KPNA6: variants seen among roughly 807,000 people sequenced by gnomAD.
The protein encoded by KPNA6 is importin subunit alpha-7.
KPNA6 carries 9 observed loss-of-function variants against 72.0 expected under a neutral mutation model. The observed-to-expected ratio is 0.13, with a 90% CI of 0.08 to 0.22. KPNA6 has a LOEUF of 0.22. Ranked by LOEUF, KPNA6 falls within the 10% of genes least tolerant of loss-of-function variation. The pLI is 1.00. For synonymous variants in KPNA6, 219 were observed against 242.1 expected, an observed-to-expected ratio of 0.90 and a Z score of 0.89; for missense variants, 374 against 655.7, an observed-to-expected ratio of 0.57 and a Z score of 4.69.
rs182526893 is a variant in KPNA6, at chr1:32,144,515, A to T, written c.5-10073A>T. Among the ~76,000 whole-genome samples, 21 of 152,304 alleles carry T rather than the reference A, an allele frequency of 1.4e-4. No individual in the cohort carries two copies. The East Asian group carries it at 3.9e-3, about 28-fold the overall frequency. On this transcript the variant is annotated intron_variant, in intron 1 of 13. Transcript: ENST00000373625. The stretch of plus-strand genomic sequence containing the variant: ...CTTTTTAATTTTTTTAGGAACTACT[A>T]TTCTGTTTTCCACAGTGGCTGCACC...
At chr1:32,124,507 CTTTT>C (rs562731872) in intron 1 of KPNA6, among the ~76,000 whole-genome samples, 1 of 131,590 alleles carries the variant, frequency 7.6e-6, no homozygotes, top group African/African-American at 2.8e-5. Context: ...GAGGCCTCAT[CTTTT>C]TTTTTTTTTT....
chr1:32,108,613 C>G (rs948398655), intron 1 of KPNA6, among the ~76,000 whole-genome samples: 7 of 152,242 alleles, frequency 4.6e-5, no homozygotes, highest in Middle Eastern at 3.2e-3. Flanking sequence ...GAGGGGACGT[C>G]AGGCGAGCCA....
intron 1 of KPNA6, among the ~76,000 whole-genome samples, chr1:32,112,448 C>CT (rs1331442293): frequency 2.0e-5 from 3 of 152,120 alleles, no homozygotes; most frequent in African/African-American, 7.2e-5. Flanking sequence ...ACTGTAGTCT[C>CT]TTAAGTGTGC....
chr1:32,147,545 G>A (rs1252058313), intron 1 of KPNA6, among the ~76,000 whole-genome samples: 3 of 151,650 alleles, frequency 2.0e-5, no homozygotes, highest in Non-Finnish European at 4.4e-5. Flanking sequence ...TAATCGTCTG[G>A]CCTTGTCCTC....
chr1:32,125,888 AAATT>A (rs1198397276), intron 1 of KPNA6, among the ~76,000 whole-genome samples: 1 of 146,806 alleles, frequency 6.8e-6, no homozygotes, highest in African/African-American at 2.4e-5. Flanking sequence ...ATCCAGTTGA[AAATT>A]AATTGAGATT....
chr1:32,155,523 A>G (rs950630327), intron 2 of KPNA6, among the ~76,000 whole-genome samples: 1 of 151,528 alleles, frequency 6.6e-6, no homozygotes, highest in Non-Finnish European at 1.5e-5. Context: ...GGGTTTCACC[A>G]TGTTGGCCAG....
rs1443745524 is a variant in KPNA6 at position 32,119,025 on chromosome 1, TATA to T, written c.4+10892_4+10894del. Among the ~76,000 whole-genome samples the T allele has an allele frequency of 2.1e-3, 182 of 85,610 alleles. 1 individual carries two copies. Among genetic ancestry groups the T allele is most frequent in the African/African-American group, 8.2e-3 (133 of 16,234 alleles). 56.2% of individuals were successfully genotyped at this position (85,610 alleles called of 152,430 possible). A position where few individuals can be genotyped will look rare whatever the true frequency, so the allele number is the denominator to read the frequency against. ...ATATATATATATATATATATATATA[TATA>T]TATATTTTTTTTTTTTTTTTTGAGA... On this transcript the variant is annotated intron_variant, in intron 1 of 13. Transcript: ENST00000373625.
At chr1:32,143,089 C>T in intron 1 of KPNA6, 1 of 965,808 alleles carries the variant, frequency 1.0e-6, no homozygotes, top group Non-Finnish European at 1.4e-6. Context: ...GTTAGTCTCA[C>T]AGGGATAATC....
chr1:32,130,216 A>T (rs867526112), intron 1 of KPNA6, among the ~76,000 whole-genome samples: 1 of 144,322 alleles, frequency 6.9e-6, no homozygotes, highest in South Asian at 2.2e-4. Context: ...GATTTAGTAG[A>T]TAAATATTTT....
chr1:32,125,644 G>A (rs187255193), intron 1 of KPNA6, among the ~76,000 whole-genome samples: 2 of 148,014 alleles, frequency 1.4e-5, no homozygotes, highest in East Asian at 4.1e-4. Flanking sequence ...CCATTCTAAC[G>A]TCTTAACTTT....
At chr1:32,130,635 A>T (rs2124534777) in intron 1 of KPNA6, among the ~76,000 whole-genome samples, 1 of 151,776 alleles carries the variant, frequency 6.6e-6, no homozygotes, top group South Asian at 2.1e-4. Flanking sequence ...AAAATACAAA[A>T]ATTAGCTGGG....
At chr1:32,134,515 A>G (rs1025013862) in intron 1 of KPNA6, among the ~76,000 whole-genome samples, 9 of 151,462 alleles carry the variant, frequency 5.9e-5, no homozygotes, top group African/African-American at 1.9e-4. Flanking sequence ...GTGCACGCCT[A>G]TAATCTCAGC....
intron 1 of KPNA6, among the ~76,000 whole-genome samples, chr1:32,145,349 G>A (rs1413215852): frequency 6.8e-6 from 1 of 147,016 alleles, no homozygotes; most frequent in African/African-American, 2.5e-5. Flanking sequence ...TTTTGGAGAT[G>A]GAGCAAGCTC....
chr1:32,123,736 T>C (rs1641479412), intron 1 of KPNA6, among the ~76,000 whole-genome samples: 2 of 126,782 alleles, frequency 1.6e-5, no homozygotes, highest in South Asian at 2.7e-4. Flanking sequence ...TGAGACCCTG[T>C]CTTAAAAAAA....
intron 1 of KPNA6, among the ~76,000 whole-genome samples, chr1:32,146,868 G>A (rs1641937592): frequency 6.7e-6 from 1 of 148,902 alleles, no homozygotes; most frequent in African/African-American, 2.5e-5. Flanking sequence ...TTTGTTTTTT[G>A]TGTTTTTTTT....
chr1:32,134,662 A>G (rs1486306728), intron 1 of KPNA6, among the ~76,000 whole-genome samples: 1 of 151,920 alleles, frequency 6.6e-6, no homozygotes, highest in Non-Finnish European at 1.5e-5. Context: ...AAGTGCTATA[A>G]AAAGAATGTA....
chr1:32,149,841 A>G (rs1641996446), intron 1 of KPNA6, among the ~76,000 whole-genome samples: 1 of 152,060 alleles, frequency 6.6e-6, no homozygotes, highest in Admixed American at 6.6e-5. Flanking sequence ...TTTCATTTCA[A>G]AAAGTATCTT....
At chr1:32,158,174 C>A in intron 4 of KPNA6, 93 bp from the exon 5 acceptor site, 1 of 755,242 alleles carries the variant, frequency 1.3e-6, no homozygotes, top group Admixed American at 2.3e-5. Flanking sequence ...TAAGGGTGGT[C>A]AGAAGTGTCT....
chr1:32,146,441 C>T (rs1242433323), intron 1 of KPNA6, among the ~76,000 whole-genome samples: 1 of 152,018 alleles, frequency 6.6e-6, no homozygotes, highest in Non-Finnish European at 1.5e-5. Context: ...TTCTCATTTC[C>T]TTTTGTGTAT....
Sources: gnomAD v4.1 joint callset for allele counts (sites outside exome capture counted in the v4.1 genomes callset) on GRCh38, gnomAD v4.1.1 for gene constraint, MANE v1.5 for transcripts, NCBI Gene and HGNC (gene_info 2026-07-23, HGNC 2026-07-21) for gene names.